KCNA6: variants seen among roughly 807,000 people sequenced by gnomAD.
KCNA6 encodes the protein potassium voltage-gated channel subfamily A member 6, also known as human brain potassium channel-2.
KCNA6 carries 17 observed loss-of-function variants against 29.5 expected under a neutral mutation model. The observed-to-expected ratio is 0.58, with a 90% CI of 0.39 to 0.86. The LOEUF is 0.86. Among genes scored for constraint, KCNA6 ranks in the 40% least tolerant of loss-of-function variants. KCNA6 has a pLI of 0.00. For synonymous variants in KCNA6, 296 were observed against 304.7 expected (o/e 0.97, Z 0.30); for missense variants, 450 against 703.4 (o/e 0.64, Z 4.07).
the KCNA6 span, among the ~76,000 whole-genome samples, chr12:4,834,749 A>T: frequency 6.6e-6 from 1 of 152,204 alleles, no homozygotes; most frequent in Non-Finnish European, 1.5e-5. Flanking sequence ...CTGGGACTAC[A>T]GGCCAAAGTG....
downstream of KCNA6, among the ~76,000 whole-genome samples, chr12:4,816,637 A>ATCTAC (rs1946685188): frequency 6.6e-6 from 1 of 152,064 alleles, no homozygotes; most frequent in South Asian, 2.1e-4. Flanking sequence ...TACTATGGTT[A>ATCTAC]TTATTTTATT....
chr12:4,838,527 T>C, the KCNA6 span, among the ~76,000 whole-genome samples: 171 of 152,332 alleles, frequency 1.1e-3, 3 homozygotes, highest in African/African-American at 4.0e-3. Context: ...GATATGATGG[T>C]CCAGTTTACT....
At chr12:4,844,998 T>C in the KCNA6 span, among the ~76,000 whole-genome samples, 1 of 152,218 alleles carries the variant, frequency 6.6e-6, no homozygotes, top group South Asian at 2.1e-4. This position sits in a 1 kb window ranked among gnomAD's most constrained non-coding sequence, Gnocchi z 4.0. Context: ...TGGGATCAGA[T>C]GCATCAGGCT....
At chr12:4,818,985 T>TAC in the KCNA6 span, among the ~76,000 whole-genome samples, 12 of 151,838 alleles carry the variant, frequency 7.9e-5, no homozygotes. Flanking sequence ...AAACCACATA[T>TAC]ACACACACGT....
At chr12:4,844,453 A>G in the KCNA6 span, among the ~76,000 whole-genome samples, 1 of 152,194 alleles carries the variant, frequency 6.6e-6, no homozygotes, top group Non-Finnish European at 1.5e-5. The surrounding 1 kb of genome is among the most constrained non-coding windows in gnomAD (Gnocchi z 4.0). Context: ...GCATCTGAGC[A>G]CAGAGCCTGA....
At chr12:4,848,822 A>G in the KCNA6 span, among the ~76,000 whole-genome samples, 1 of 152,186 alleles carries the variant, frequency 6.6e-6, no homozygotes, top group Non-Finnish European at 1.5e-5. Context: ...CTTTGGGCTT[A>G]TATAAAAATT....
the KCNA6 span, among the ~76,000 whole-genome samples, chr12:4,843,240 G>A: frequency 6.6e-6 from 1 of 151,600 alleles, no homozygotes; most frequent in African/African-American, 2.4e-5. Context: ...GAGTGCAGTG[G>A]CGCGATCTCG....
downstream of KCNA6, among the ~76,000 whole-genome samples, chr12:4,815,315 A>G (rs993424388): frequency 1.3e-5 from 2 of 152,180 alleles, no homozygotes; most frequent in African/African-American, 4.8e-5. Flanking sequence ...TCACTCTGCC[A>G]TTCTTTCCTA....
chr12:4,838,082 C>T, the KCNA6 span, among the ~76,000 whole-genome samples: 87 of 152,290 alleles, frequency 5.7e-4, no homozygotes, highest in African/African-American at 2.0e-3. Context: ...ATCTGACTGC[C>T]TTCGGCTGCA....
chr12:4,810,269 C>T lies in KCNA6; in HGVS notation c.228C>T (p.Phe76=). ...GAGACCCTGGCCGGCGAGTCCGCTT[C>T]TTCGACCCCCTGAGGAACGAGTACT... Residue 76 remains phenylalanine, a synonymous_variant, in exon 1 of 1, where the codon TTC becomes TTT. Coordinates refer to ENST00000280684, the Ensembl canonical transcript of KCNA6. The surrounding 1 kb of genome is among the most constrained non-coding windows in gnomAD (Gnocchi z 7.5). 6.2e-7 allele frequency: 1 copy of T among 1,614,074 alleles called. No individual in the cohort carries two copies. The highest frequency in any genetic ancestry group is 8.5e-7 in the Non-Finnish European group (1 of 1,180,038).
chr12:4,819,079 CACAT>C, the KCNA6 span, among the ~76,000 whole-genome samples: 3 of 152,140 alleles, frequency 2.0e-5, no homozygotes, highest in Non-Finnish European at 4.4e-5. Context: ...TATGCACAGG[CACAT>C]ACATGCATGC....
the KCNA6 span, among the ~76,000 whole-genome samples, chr12:4,825,457 A>T: frequency 6.6e-6 from 1 of 152,176 alleles, no homozygotes; most frequent in African/African-American, 2.4e-5. Flanking sequence ...TCCCCCTTTT[A>T]TAGTAATGTC....
At chr12:4,829,894 G>C in the KCNA6 span, among the ~76,000 whole-genome samples, 5 of 152,126 alleles carry the variant, frequency 3.3e-5, no homozygotes, top group African/African-American at 9.7e-5. Flanking sequence ...GTCCTTGGCC[G>C]AGAGAGGTTG....
the KCNA6 span, among the ~76,000 whole-genome samples, chr12:4,848,131 A>G: frequency 6.6e-6 from 1 of 152,062 alleles, no homozygotes; most frequent in Non-Finnish European, 1.5e-5. Flanking sequence ...TAAATTTTAC[A>G]TCTTTTGACA....
the KCNA6 span, among the ~76,000 whole-genome samples, chr12:4,850,090 G>A: frequency 6.6e-6 from 1 of 152,220 alleles, no homozygotes; most frequent in Non-Finnish European, 1.5e-5. This position sits in a 1 kb window ranked among gnomAD's most constrained non-coding sequence, Gnocchi z 5.4. Context: ...AAAGGCAGCA[G>A]AGAGATCAGT....
chr12:4,847,994 T>A, the KCNA6 span, among the ~76,000 whole-genome samples: 1 of 152,226 alleles, frequency 6.6e-6, no homozygotes, highest in African/African-American at 2.4e-5. Flanking sequence ...TGGCCAACTG[T>A]CTCACCATTC....
the KCNA6 span, chr12:4,842,706 A>G: frequency 1.3e-5 from 2 of 152,188 alleles, no homozygotes; most frequent in African/African-American, 2.4e-5. Context: ...GCAAGGGGGA[A>G]ATCCACCCCC....
downstream of KCNA6, among the ~76,000 whole-genome samples, chr12:4,816,617 T>C (rs1166470057): frequency 6.6e-6 from 1 of 152,178 alleles, no homozygotes; most frequent in Non-Finnish European, 1.5e-5. Context: ...CAAGGTTTTA[T>C]GTATTTATCT....
the KCNA6 span, among the ~76,000 whole-genome samples, chr12:4,833,101 T>G: frequency 6.6e-6 from 1 of 152,134 alleles, no homozygotes; most frequent in African/African-American, 2.4e-5. Flanking sequence ...TCATATGAAA[T>G]GGAGTCTTGA....
Sources: allele counts gnomAD v4.1 joint callset (sites outside exome capture counted in the v4.1 genomes callset), GRCh38; gene constraint gnomAD v4.1.1; non-coding constraint Gnocchi (gnomAD v3.1); transcripts MANE v1.5; gene names NCBI Gene and HGNC (gene_info 2026-07-23, HGNC 2026-07-21).